RSF1: variants seen among roughly 807,000 people sequenced by gnomAD.
RSF1 encodes remodeling and spacing factor 1, also known as HBV pX-associated protein 8.
In RSF1, 13 loss-of-function variants were observed where a neutral mutation model predicts 145.2. The observed-to-expected ratio is 0.09, with a 90% CI of 0.06 to 0.14. RSF1 has a LOEUF of 0.14. Among genes scored for constraint, RSF1 ranks in the 10% least tolerant of loss-of-function variants. The pLI is 1.00. For missense variants in RSF1, 1,517 were observed against 1,718.2 expected, an observed-to-expected ratio of 0.88 and a Z score of 2.07; for synonymous variants, 577 against 592.6, an observed-to-expected ratio of 0.97 and a Z score of 0.38.
intron 1 of RSF1, among the ~76,000 whole-genome samples, chr11:77,815,740 G>GT (rs201357457): frequency 1.3e-5 from 2 of 151,018 alleles, no homozygotes; most frequent in Non-Finnish European, 3.0e-5. Flanking sequence ...CATGTTTAAT[G>GT]TTTTTTTAAA....
intron 9 of RSF1, among the ~76,000 whole-genome samples, chr11:77,685,747 G>C (rs1206455307): frequency 6.6e-6 from 1 of 152,150 alleles, no homozygotes; most frequent in East Asian, 1.9e-4. Flanking sequence ...ACTTCATCAA[G>C]AGTCATGCTG....
intron 1 of RSF1, among the ~76,000 whole-genome samples, chr11:77,775,105 G>A (rs1326876306): frequency 1.3e-5 from 2 of 151,634 alleles, no homozygotes; most frequent in South Asian, 2.1e-4. Flanking sequence ...AAAACTAGCT[G>A]GGCATGGTCG....
chr11:77,694,743 T>C (rs1960241068), intron 7 of RSF1, among the ~76,000 whole-genome samples: 1 of 152,198 alleles, frequency 6.6e-6, no homozygotes. Flanking sequence ...GTCCTTTTGT[T>C]GATTTTGAAT....
At chr11:77,769,992 G>C (rs1036809634) in intron 1 of RSF1, among the ~76,000 whole-genome samples, 6 of 152,156 alleles carry the variant, frequency 3.9e-5, no homozygotes, top group African/African-American at 1.4e-4. Context: ...TCTCTTGGGG[G>C]AGCAGTTTTA....
chr11:77,723,016 T>C (rs1350192371), intron 5 of RSF1, among the ~76,000 whole-genome samples: 1 of 152,224 alleles, frequency 6.6e-6, no homozygotes, highest in Non-Finnish European at 1.5e-5. Context: ...TTTCTCTGGC[T>C]TTGATTTTAA....
At position 77,782,410 on chromosome 11, in the gene RSF1, G is replaced by T. The variant is rs912194530; in HGVS notation, c.188-17721C>A. On this transcript the variant is annotated intron_variant, in intron 1 of 15. Transcript: ENST00000308488. ...ACAAAACTTAGCCAGGTGTGGTGGC[G>T]CGCACCTGTAGTCCCAGCTACTCAG... 2.6e-5 allele frequency among the ~76,000 whole-genome samples: 4 copies of T among 152,142 alleles called. No homozygotes were observed. The South Asian group carries it at 8.3e-4, about 32-fold the overall frequency.
At chr11:77,870,361 G>A in the RSF1 span, among the ~76,000 whole-genome samples, 86 of 126,570 alleles carry the variant, frequency 6.8e-4, no homozygotes, top group Non-Finnish European at 8.9e-4. Context: ...TTTTTGAGAC[G>A]GAGTCTTGTT....
At chr11:77,820,129 G>A (rs1276201112) in intron 1 of RSF1, among the ~76,000 whole-genome samples, 2 of 152,184 alleles carry the variant, frequency 1.3e-5, no homozygotes, top group African/African-American at 4.8e-5. Context: ...AGGGTGGGGA[G>A]GAGGAGAAAA....
In RSF1 at chr11:77,661,376, GC is replaced by G. The variant is rs146466136; in HGVS notation, c.*5540del. 19,389 of 151,946 alleles carry G rather than the reference GC, an allele frequency of 0.13. 1,408 individuals are homozygous for G. The highest frequency in any genetic ancestry group is 0.19 in the Admixed American group (2,957 of 15,242). The allele number at this position is 151,946 out of a possible 1,614,324, so 9.4% of individuals were successfully genotyped here. On this transcript the variant is annotated 3_prime_UTR_variant, in exon 16 of 16. Transcript: ENST00000308488. ...GTGCTGTAAGAATATGCTGTTAACA[GC>G]CAAATCTGGGCTACTGTAGCTGTTC...
chr11:77,711,143 TAAA>T (rs60863404), intron 5 of RSF1, among the ~76,000 whole-genome samples: 2 of 134,516 alleles, frequency 1.5e-5, no homozygotes, highest in African/African-American at 2.8e-5. Context: ...ATTTTTAACT[TAAA>T]AAAAAAAAAA....
rs199537262 is a variant in RSF1, at chr11:77,677,009, G to A, written c.3134-10C>T. The A allele has an allele frequency of 3.8e-5, 61 of 1,608,612 alleles. No individual in the cohort carries two copies. In the East Asian group the frequency reaches 1.3e-3, roughly 35 times the overall value. ...TTTCCTCGGCCAACTCCTGAATTTG[G>A]GGGAGGGAAGTTCGGGGAGAGAAAA... On this transcript the variant is annotated splice_polypyrimidine_tract_variant and intron_variant, in intron 12 of 15. Transcript: ENST00000308488.
chr11:77,865,981 G>GT, the RSF1 span, among the ~76,000 whole-genome samples: 1 of 152,188 alleles, frequency 6.6e-6, no homozygotes, highest in Non-Finnish European at 1.5e-5. Flanking sequence ...TAATGAGAAT[G>GT]TGACTCAGGC....
chr11:77,707,295 A>G (rs891865272), intron 5 of RSF1, among the ~76,000 whole-genome samples: 1 of 152,202 alleles, frequency 6.6e-6, no homozygotes, highest in Non-Finnish European at 1.5e-5. Flanking sequence ...AATAACATCA[A>G]TACTTTTCAT....
At chr11:77,707,564 A>G (rs748775305) in intron 5 of RSF1, among the ~76,000 whole-genome samples, 15 of 152,232 alleles carry the variant, frequency 9.9e-5, no homozygotes, top group Non-Finnish European at 1.9e-4. Flanking sequence ...CAGAGGCTGA[A>G]ATGTTCAAAC....
chr11:77,727,754 A>G (rs1290499888), intron 4 of RSF1, among the ~76,000 whole-genome samples: 1 of 152,162 alleles, frequency 6.6e-6, no homozygotes, highest in Non-Finnish European at 1.5e-5. Flanking sequence ...TGTTGGGATT[A>G]CAAGCGTGAG....
At chr11:77,780,989 C>T (rs1198475265) in intron 1 of RSF1, among the ~76,000 whole-genome samples, 2 of 152,066 alleles carry the variant, frequency 1.3e-5, no homozygotes, top group Non-Finnish European at 2.9e-5. Flanking sequence ...TTTTGTCTGG[C>T]TTTTTTGCTT....
chr11:77,677,015 G>T lies in RSF1; in HGVS notation c.3134-16C>A, dbSNP rs1352722354. The T allele has an allele frequency of 6.3e-7, 1 of 1,593,504 alleles. No individual in the cohort carries two copies. Among genetic ancestry groups the T allele is most frequent in the African/African-American group, 1.3e-5 (1 of 74,118 alleles). On this transcript the variant is annotated splice_polypyrimidine_tract_variant and intron_variant, in intron 12 of 15. Transcript: ENST00000308488. ...CGGCCAACTCCTGAATTTGGGGGAG[G>T]GAAGTTCGGGGAGAGAAAAATATGT... is the stretch of plus-strand genomic sequence containing the variant.
At chr11:77,810,925 G>T (rs1948724923) in intron 1 of RSF1, among the ~76,000 whole-genome samples, 2 of 152,104 alleles carry the variant, frequency 1.3e-5, no homozygotes, top group Admixed American at 1.3e-4. Context: ...TTTGGGTTTT[G>T]TTTTTTTCTG....
intron 5 of RSF1, among the ~76,000 whole-genome samples, chr11:77,724,230 G>A (rs1043847828): frequency 1.3e-5 from 2 of 152,148 alleles, no homozygotes; most frequent in African/African-American, 2.4e-5. Context: ...ACAGAAACAA[G>A]TGTTGGTGAG....
Sources: gnomAD v4.1 joint callset for allele counts (sites outside exome capture counted in the v4.1 genomes callset) on GRCh38, gnomAD v4.1.1 for gene constraint, MANE v1.5 for transcripts, NCBI Gene and HGNC (gene_info 2026-07-23, HGNC 2026-07-21) for gene names.